The following GLI2 variants were observed in gnomAD, a reference collection of about 807,000 sequenced individuals.
GLI2 encodes the protein transcription activator GLI2.
In GLI2, 22 loss-of-function variants were observed where a neutral mutation model predicts 78.9. That is an observed-to-expected ratio of 0.28 (90% CI 0.20 to 0.40). GLI2 has a LOEUF of 0.40. Among genes scored for constraint, GLI2 ranks in the 10% least tolerant of loss-of-function variants. The pLI, the probability that GLI2 is intolerant of heterozygous loss-of-function variation, is 1.00. For missense variants in GLI2, 2,097 were observed against 2,213.2 expected (o/e 0.95, Z 1.05); for synonymous variants, 974 against 963.7 (o/e 1.01, Z -0.20).
chr2:120,789,426 G>A (rs1048231915), intron 1 of GLI2, among the ~76,000 whole-genome samples: 2 of 152,044 alleles, frequency 1.3e-5, no homozygotes, highest in African/African-American at 4.8e-5. Context: ...AGACCCTGGA[G>A]TGCTCTTCCC....
chr2:120,978,039 A>ATCACTGTTTGTGAT (rs1251543877), intron 9 of GLI2, among the ~76,000 whole-genome samples: 1 of 152,220 alleles, frequency 6.6e-6, no homozygotes, highest in African/African-American at 2.4e-5. Context: ...TACTGTTTGC[A>ATCACTGTTTGTGAT]GCCTGGGAGC....
intron 1 of GLI2, among the ~76,000 whole-genome samples, chr2:120,772,841 G>A (rs575754233): frequency 3.3e-4 from 51 of 152,322 alleles, no homozygotes; most frequent in African/African-American, 1.1e-3. Flanking sequence ...TCTCCAGCAT[G>A]CAGCCACCGT....
At chr2:120,874,337 G>A (rs1688620005) in intron 2 of GLI2, among the ~76,000 whole-genome samples, 1 of 152,202 alleles carries the variant, frequency 6.6e-6, no homozygotes, top group South Asian at 2.1e-4. Flanking sequence ...TGTAGCAAGA[G>A]GGAAAAAAGT....
intron 3 of GLI2, among the ~76,000 whole-genome samples, chr2:120,928,840 T>C (rs573116240): frequency 7.5e-4 from 115 of 152,370 alleles, no homozygotes; most frequent in African/African-American, 2.7e-3. Flanking sequence ...TTGTATATGC[T>C]TCACGCAGCT....
At position 120,992,041 on chromosome 2, in the gene GLI2, CACACACACA is replaced by C. The variant is rs1245915825; in HGVS notation, c.*1367_*1375del. 3 of 153,882 alleles carry C rather than the reference CACACACACA, an allele frequency of 1.9e-5. No homozygotes were observed. The highest frequency in any genetic ancestry group is 7.3e-5 in the African/African-American group (3 of 41,212). The allele number at this position is 153,882 out of a possible 1,614,324, so 9.5% of individuals were successfully genotyped here. A position where few individuals can be genotyped will look rare whatever the true frequency, so the allele number is the denominator to read the frequency against. On this transcript the variant is annotated 3_prime_UTR_variant, in exon 14 of 14. Coordinates refer to ENST00000361492, the MANE Select transcript of GLI2 (RefSeq NM_001374353.1). ...ACACACACACACACACACACACACA[CACACACACA>C]CCCCAAACCTTTTCATGGGGAATGT...
intron 8 of GLI2, 24 bp downstream of exon 8, chr2:120,972,087 C>T (rs2105026110): frequency 1.2e-6 from 2 of 1,612,342 alleles, no homozygotes; most frequent in Non-Finnish European, 1.7e-6. Context: ...AGCCGCACCA[C>T]CTTCCTCCAG....
At chr2:120,959,246 C>T (rs1039361619) in intron 5 of GLI2, among the ~76,000 whole-genome samples, 2 of 152,150 alleles carry the variant, frequency 1.3e-5, no homozygotes, top group Non-Finnish European at 2.9e-5. Context: ...TCTCCACCTC[C>T]GCCTTGGGAA....
chr2:120,805,907 G>T (rs1265962378), intron 2 of GLI2, among the ~76,000 whole-genome samples: 1 of 152,210 alleles, frequency 6.6e-6, no homozygotes, highest in Non-Finnish European at 1.5e-5. Flanking sequence ...ACACGGCTGT[G>T]CCAGGCATGC....
At chr2:120,971,865 A>T in intron 7 of GLI2, 76 bp from the exon 8 acceptor site, 1 of 1,280,276 alleles carries the variant, frequency 7.8e-7, no homozygotes, top group Non-Finnish European at 1.1e-6. Context: ...GAGATCCTAG[A>T]GTTAAAGTCC....
At position 120,886,129 on chromosome 2, in the gene GLI2, G is replaced by A. The variant is rs534590607; in HGVS notation, c.149-41232G>A. ...TTTTGGGGTTTTTTTTTGAGACAGG[G>A]TCTTGGAACCCCTATTCTAATTTTT... On this transcript the variant is annotated intron_variant, in intron 2 of 13. Coordinates refer to ENST00000361492, the MANE Select transcript of GLI2 (RefSeq NM_001374353.1). 1.3e-3 allele frequency among the ~76,000 whole-genome samples: 195 copies of A among 147,820 alleles called. 2 individuals are homozygous for A. Among genetic ancestry groups the A allele is most frequent in the African/African-American group, 4.8e-3 (191 of 40,016 alleles).
Position 120,989,379 on chromosome 2 carries a change from C to T in GLI2, c.3414C>T (p.Asp1138=), listed in dbSNP as rs561285256. The change falls in exon 14 of 14, where the codon GAC becomes GAT. Residue 1138 remains aspartate, a synonymous_variant. Transcript: ENST00000361492. ...QWNEVSSGTV[D]ALASQVKPPP... is the part of the protein sequence containing the mutation. ...ATGAGGTGAGCTCCGGCACCGTAGA[C>T]GCCCTGGCCAGCCAGGTGAAGCCTC... The T allele has an allele frequency of 6.8e-6, 11 of 1,612,998 alleles. No homozygotes were observed. The highest frequency in any genetic ancestry group is 2.2e-5 in the East Asian group (1 of 44,868).
intron 3 of GLI2, among the ~76,000 whole-genome samples, chr2:120,927,906 G>C (rs1293368461): frequency 6.6e-6 from 1 of 152,160 alleles, no homozygotes; most frequent in Non-Finnish European, 1.5e-5. Context: ...TACTTAAAAG[G>C]ACAAGCTCAA....
chr2:120,814,304 G>A (rs1464551542), intron 2 of GLI2, among the ~76,000 whole-genome samples: 1 of 152,234 alleles, frequency 6.6e-6, no homozygotes, highest in Non-Finnish European at 1.5e-5. Flanking sequence ...GGGGTGGTAA[G>A]TGCTGATCGC....
At chr2:120,738,405 C>T (rs1303824943) in intron 1 of GLI2, among the ~76,000 whole-genome samples, 1 of 152,154 alleles carries the variant, frequency 6.6e-6, no homozygotes, top group Non-Finnish European at 1.5e-5. Context: ...AAAGTTGTCG[C>T]TTGTCTGATG....
intron 1 of GLI2, among the ~76,000 whole-genome samples, chr2:120,765,856 C>T (rs368843522): frequency 7.9e-5 from 12 of 152,222 alleles, no homozygotes; most frequent in Non-Finnish European, 1.3e-4. Flanking sequence ...TTTTGGCACG[C>T]GCTAAGGCGG....
chr2:120,959,170 G>A (rs796294673), intron 5 of GLI2, among the ~76,000 whole-genome samples: 3 of 152,262 alleles, frequency 2.0e-5, no homozygotes, highest in East Asian at 3.9e-4. Flanking sequence ...GCTCAGCAGT[G>A]GGCGCGAGAG....
intron 2 of GLI2, among the ~76,000 whole-genome samples, chr2:120,876,178 A>G (rs1395216354): frequency 6.6e-6 from 1 of 152,102 alleles, no homozygotes; most frequent in East Asian, 1.9e-4. Flanking sequence ...CGTCTCTACT[A>G]AAAATACAAA....
chr2:120,916,255 G>A (rs934344934), intron 2 of GLI2, among the ~76,000 whole-genome samples: 1 of 152,202 alleles, frequency 6.6e-6, no homozygotes, highest in Non-Finnish European at 1.5e-5. Context: ...TGTTCCTCTC[G>A]AGGACGCCAG....
chr2:120,795,574 G>A (rs1300850474), intron 1 of GLI2, among the ~76,000 whole-genome samples: 1 of 151,624 alleles, frequency 6.6e-6, no homozygotes, highest in Non-Finnish European at 1.5e-5. Context: ...AAGTTATAGG[G>A]CCTACTAATG....
Sources: allele counts gnomAD v4.1 joint callset (sites outside exome capture counted in the v4.1 genomes callset), GRCh38; gene constraint gnomAD v4.1.1; transcripts MANE v1.5; gene names NCBI Gene and HGNC (gene_info 2026-07-23, HGNC 2026-07-21).